CREB5: variants seen among roughly 807,000 people sequenced by gnomAD.
The protein encoded by CREB5 is cyclic AMP-responsive element-binding protein 5.
CREB5 carries 19 observed loss-of-function variants against 57.1 expected under a neutral mutation model. That is an observed-to-expected ratio of 0.33 (90% confidence interval 0.23 to 0.49). The LOEUF (loss-of-function observed/expected upper bound fraction) is 0.49. Ranked by LOEUF, CREB5 falls within the 20% of genes least tolerant of loss-of-function variation. The pLI, the probability that CREB5 is intolerant of heterozygous loss-of-function variation, is 0.99. For synonymous variants in CREB5, 238 were observed against 238.3 expected, an observed-to-expected ratio of 1.00 and a Z score of 0.01; for missense variants, 579 against 671.6, an observed-to-expected ratio of 0.86 and a Z score of 1.52.
chr7:28,323,227 G>A (rs1189380053), intron 1 of CREB5, among the ~76,000 whole-genome samples: 1 of 152,164 alleles, frequency 6.6e-6, no homozygotes, highest in Admixed American at 6.5e-5. Context: ...GCCTGCACTT[G>A]GTTGGAGAAA....
chr7:28,713,010 A>T (rs541218994), intron 5 of CREB5, among the ~76,000 whole-genome samples: 1 of 152,166 alleles, frequency 6.6e-6, no homozygotes, highest in Middle Eastern at 3.2e-3. Flanking sequence ...ACAAGACTTC[A>T]TTTAAGAAGG....
At chr7:28,326,940 G>A (rs1218139655) in intron 1 of CREB5, among the ~76,000 whole-genome samples, 1 of 152,080 alleles carries the variant, frequency 6.6e-6, no homozygotes, top group Non-Finnish European at 1.5e-5. Context: ...ACGAGGTCAG[G>A]AGTTCAAGAC....
At chr7:28,315,007 G>T (rs1785349759) in intron 1 of CREB5, among the ~76,000 whole-genome samples, 1 of 152,184 alleles carries the variant, frequency 6.6e-6, no homozygotes, top group Admixed American at 6.5e-5. Context: ...ATGCCTCAAA[G>T]CACTGTTTGG....
intron 1 of CREB5, among the ~76,000 whole-genome samples, chr7:28,449,974 T>C (rs957943406): frequency 1.3e-5 from 2 of 152,226 alleles, no homozygotes; most frequent in Non-Finnish European, 1.5e-5. Context: ...TTTAAGGGTC[T>C]AGTCTGTGAG....
At chr7:28,668,051 T>C (rs1299801944) in intron 5 of CREB5, among the ~76,000 whole-genome samples, 1 of 152,192 alleles carries the variant, frequency 6.6e-6, no homozygotes, top group Non-Finnish European at 1.5e-5. Context: ...CAGAGTTGTA[T>C]ACAAAAATCA....
intron 1 of CREB5, among the ~76,000 whole-genome samples, chr7:28,424,819 G>A (rs1453922752): frequency 1.3e-5 from 2 of 152,204 alleles, no homozygotes; most frequent in Non-Finnish European, 1.5e-5. Flanking sequence ...AAATGTTTCA[G>A]TGTGGGAAGG....
intron 5 of CREB5, among the ~76,000 whole-genome samples, chr7:28,628,600 C>A (rs906711022): frequency 1.3e-5 from 2 of 151,974 alleles, no homozygotes; most frequent in Admixed American, 6.6e-5. Flanking sequence ...GAACATTCTA[C>A]TGTGTGAGGG....
At chr7:28,802,601 A>G (rs751198182) in intron 7 of CREB5, among the ~76,000 whole-genome samples, 15 of 152,228 alleles carry the variant, frequency 9.9e-5, no homozygotes, top group Admixed American at 2.0e-4. Context: ...CAATTAGACA[A>G]TCATCTCTGC....
intron 1 of CREB5, among the ~76,000 whole-genome samples, chr7:28,378,117 G>T (rs529493282): frequency 3.4e-4 from 51 of 152,208 alleles, no homozygotes; most frequent in Admixed American, 5.2e-4. Flanking sequence ...ACACTGGTTG[G>T]TCATAGATGG....
intron 2 of CREB5, among the ~76,000 whole-genome samples, chr7:28,492,717 AAT>A (rs955720940): frequency 2.0e-5 from 3 of 148,898 alleles, no homozygotes; most frequent in Non-Finnish European, 3.0e-5. Flanking sequence ...TGTATATACA[AAT>A]ATATATATAA....
In CREB5 at chr7:28,320,820, A is replaced by T. The variant is rs539030762; in HGVS notation, c.-25+21379A>T. ...ACAATTCTTAAGTTAAGAAAATTTT[A>T]TGAGTGAAAAGACAAATGTAAGCAA... On this transcript the variant is annotated intron_variant, in intron 1 of 9. Transcript: ENST00000396299. Among the ~76,000 whole-genome samples, 7 of 152,378 alleles carry T rather than the reference A, an allele frequency of 4.6e-5. No individual in the cohort carries two copies. The East Asian group carries it at 1.3e-3, about 29-fold the overall frequency.
chr7:28,560,839 T>TGCGTGCGTGC (rs1266751699), intron 4 of CREB5, among the ~76,000 whole-genome samples: 1 of 96,406 alleles, frequency 1.0e-5, no homozygotes. Context: ...CGCGCGTGTG[T>TGCGTGCGTGC]GTGTGCGCGT....
chr7:28,718,112 C>T (rs1026033090), intron 5 of CREB5, among the ~76,000 whole-genome samples: 5 of 152,178 alleles, frequency 3.3e-5, no homozygotes, highest in African/African-American at 7.2e-5. Context: ...TAACACCTCG[C>T]GTTATTATGA....
At chr7:28,405,176 T>C (rs1032865771) in intron 1 of CREB5, among the ~76,000 whole-genome samples, 2 of 152,230 alleles carry the variant, frequency 1.3e-5, no homozygotes, top group African/African-American at 4.8e-5. Flanking sequence ...AGAAACCTGG[T>C]GAAGACCCAT....
chr7:28,355,077 G>A (rs942943605), intron 1 of CREB5, among the ~76,000 whole-genome samples: 7 of 152,188 alleles, frequency 4.6e-5, no homozygotes, highest in Admixed American at 3.3e-4. Context: ...ACATCCCTAG[G>A]AAAGTCACAT....
chr7:28,669,114 G>C (rs1236441220), intron 5 of CREB5, among the ~76,000 whole-genome samples: 1 of 152,208 alleles, frequency 6.6e-6, no homozygotes, highest in Non-Finnish European at 1.5e-5. Context: ...AGAAACTGCA[G>C]AACTATGAGC....
chr7:28,692,029 A>AAC (rs1801295430), intron 5 of CREB5, among the ~76,000 whole-genome samples: 1 of 149,210 alleles, frequency 6.7e-6, no homozygotes, highest in African/African-American at 2.5e-5. Context: ...AAAAAAAAAA[A>AAC]CAACAAATTA....
intron 5 of CREB5, among the ~76,000 whole-genome samples, chr7:28,623,733 G>C (rs1044752017): frequency 1.3e-5 from 2 of 152,274 alleles, no homozygotes; most frequent in African/African-American, 4.8e-5. Flanking sequence ...ATGTTAAATG[G>C]TTTTGAATTA....
At chr7:28,346,843 A>G (rs1424252078) in intron 1 of CREB5, among the ~76,000 whole-genome samples, 2 of 84,990 alleles carry the variant, frequency 2.4e-5, no homozygotes, top group African/African-American at 3.7e-5. Flanking sequence ...CACAGCTACA[A>G]CTTGAAAGAT....
Sources: gnomAD v4.1 joint callset for allele counts (sites outside exome capture counted in the v4.1 genomes callset) on GRCh38, gnomAD v4.1.1 for gene constraint, MANE v1.5 for transcripts, NCBI Gene and HGNC (gene_info 2026-07-23, HGNC 2026-07-21) for gene names.